Variants in STOX2 observed in about 807,000 individuals in gnomAD.
STOX2 encodes storkhead-box protein 2.
STOX2 carries 28 observed loss-of-function variants against 60.9 expected under a neutral mutation model. The observed-to-expected ratio is 0.46, with a 90% confidence interval of 0.34 to 0.63. The LOEUF is 0.63. STOX2 is among the 30% of genes least tolerant of loss of function. STOX2 has a pLI of 0.01. For synonymous variants in STOX2, 472 were observed against 463.9 expected (o/e 1.02, Z -0.22); for missense variants, 1,024 against 1,187.7 (o/e 0.86, Z 2.03).
chr4:183,807,134 A>T (rs7688361), intron 1 of STOX2, among the ~76,000 whole-genome samples: 3 of 151,642 alleles, frequency 2.0e-5, no homozygotes, highest in Admixed American at 2.0e-4. Flanking sequence ...CACCACGCCC[A>T]GCTAATTTTT....
intron 1 of STOX2, among the ~76,000 whole-genome samples, chr4:183,916,664 T>C (rs1405744277): frequency 6.6e-6 from 1 of 152,204 alleles, no homozygotes; most frequent in Non-Finnish European, 1.5e-5. Context: ...GGTATAAAAC[T>C]GTAGAATCCC....
intron 1 of STOX2, among the ~76,000 whole-genome samples, chr4:183,959,000 T>C (rs1743337337): frequency 6.6e-6 from 1 of 152,018 alleles, no homozygotes. Flanking sequence ...AGTCCTGGAT[T>C]ATTTCAGACT....
chr4:183,938,388 G>T (rs1742646892), intron 1 of STOX2, among the ~76,000 whole-genome samples: 1 of 152,148 alleles, frequency 6.6e-6, no homozygotes, highest in Admixed American at 6.5e-5. Context: ...TTTATTGATG[G>T]CTGAGCACGG....
At chr4:183,819,176 T>C (rs1282740586) in intron 1 of STOX2, among the ~76,000 whole-genome samples, 2 of 152,020 alleles carry the variant, frequency 1.3e-5, no homozygotes, top group Non-Finnish European at 2.9e-5. Flanking sequence ...CTTGGCACTT[T>C]GGGAGGCCAA....
At chr4:183,819,873 A>G (rs1463186445) in intron 1 of STOX2, among the ~76,000 whole-genome samples, 1 of 152,086 alleles carries the variant, frequency 6.6e-6, no homozygotes. Context: ...CCTTTGGAGG[A>G]GAAGGTGGTG....
intron 1 of STOX2, among the ~76,000 whole-genome samples, chr4:183,872,491 T>TA (rs893795729): frequency 2.0e-5 from 3 of 151,788 alleles, no homozygotes; most frequent in Non-Finnish European, 2.9e-5. Flanking sequence ...TTTATGTATT[T>TA]AAAAAAAAAT....
rs1293691040 is a variant in STOX2 at position 183,856,821 on chromosome 4, A to AT, written c.364+58774dup. ...CATATATATTAATGTGTGTAGCTTT[A>AT]TTTTTTTTGACACTTACCCTATGGG... On this transcript the variant is annotated intron_variant, in intron 1 of 2. Coordinates refer to the STOX2 transcript ENST00000513034. This position sits in a 1 kb window ranked among gnomAD's most constrained non-coding sequence, Gnocchi z 4.0. 2.6e-5 allele frequency among the ~76,000 whole-genome samples: 4 copies of AT among 151,948 alleles called. No homozygotes were observed. The highest frequency in any genetic ancestry group is 4.8e-5 in the African/African-American group (2 of 41,372).
At chr4:183,998,594 T>G (rs1480703287) in intron 1 of STOX2, among the ~76,000 whole-genome samples, 1 of 152,124 alleles carries the variant, frequency 6.6e-6, no homozygotes, top group African/African-American at 2.4e-5. Context: ...CAGGCTGGAG[T>G]GCAGTGGCGC....
At chr4:183,950,986 C>A (rs995632871) in intron 1 of STOX2, among the ~76,000 whole-genome samples, 7 of 151,968 alleles carry the variant, frequency 4.6e-5, no homozygotes, top group African/African-American at 1.4e-4. Context: ...GAGGCCGAGG[C>A]GGGCGGATCA....
chr4:184,019,124 T>C lies in STOX2; in HGVS notation c.*1840T>C, dbSNP rs1459548031. The C allele has an allele frequency of 6.6e-6, 1 of 152,212 alleles. No individual in the cohort carries two copies. Among genetic ancestry groups the C allele is most frequent in the African/African-American group, 2.4e-5 (1 of 41,452 alleles). 9.4% of individuals were successfully genotyped at this position (152,212 alleles called of 1,614,324 possible). A position where few individuals can be genotyped will look rare whatever the true frequency, so the allele number is the denominator to read the frequency against. ...GTTTTTCAGTTATTTGGAAGTTGCA[T>C]TGGGTCAAACTGAACTCCTTGAGTT... On this transcript the variant is annotated 3_prime_UTR_variant, in exon 4 of 4. Transcript: ENST00000308497.
At chr4:183,921,140 G>T (rs1332875555) in intron 1 of STOX2, among the ~76,000 whole-genome samples, 1 of 152,164 alleles carries the variant, frequency 6.6e-6, no homozygotes, top group African/African-American at 2.4e-5. Context: ...CAGGAGGCTA[G>T]GATCTATGAG....
chr4:183,967,537 G>A (rs1021440069), intron 1 of STOX2, among the ~76,000 whole-genome samples: 2 of 152,112 alleles, frequency 1.3e-5, no homozygotes, highest in East Asian at 1.9e-4. Context: ...AAGAAGGCAC[G>A]GGAGCATACA....
chr4:183,924,509 T>G (rs1742187052), intron 1 of STOX2, among the ~76,000 whole-genome samples: 1 of 151,998 alleles, frequency 6.6e-6, no homozygotes. Context: ...GGCCAGCAGA[T>G]GAGAGAGACA....
Position 184,022,659 on chromosome 4 carries a change from C to A in STOX2, c.*5375C>A, listed in dbSNP as rs1228977174. 6.6e-6 allele frequency: 1 copy of A among 152,044 alleles called. No individual in the cohort carries two copies. Among genetic ancestry groups the A allele is most frequent in the Admixed American group, 6.5e-5 (1 of 15,268 alleles). The allele number at this position is 152,044 out of a possible 1,614,324, so 9.4% of individuals were successfully genotyped here. ...CTTAGTAAACTTGTTCCCTTGCTCC[C>A]ACCAAGAAGAGGTACCAAATGTGAG... is the stretch of plus-strand genomic sequence containing the variant. On this transcript the variant is annotated 3_prime_UTR_variant, in exon 4 of 4. Coordinates refer to ENST00000308497, the MANE Select transcript of STOX2 (RefSeq NM_020225.3).
At chr4:183,805,526 G>T (rs1738869694) in intron 1 of STOX2, among the ~76,000 whole-genome samples, 1 of 152,192 alleles carries the variant, frequency 6.6e-6, no homozygotes, top group Admixed American at 6.5e-5. Context: ...AATCACAGTA[G>T]GCCAAGCATG....
At chr4:183,882,114 A>T (rs1391041477) in intron 1 of STOX2, among the ~76,000 whole-genome samples, 2 of 152,202 alleles carry the variant, frequency 1.3e-5, no homozygotes, top group African/African-American at 4.8e-5. Context: ...TACCCAGCTC[A>T]CTGTTCTGGA....
At position 184,010,889 on chromosome 4, in the gene STOX2, A is replaced by C; in HGVS notation, c.2051A>C (p.His684Pro). 6.2e-7 allele frequency: 1 copy of C among 1,612,682 alleles called. No individual in the cohort carries two copies. The highest frequency in any genetic ancestry group is 1.1e-5 in the South Asian group (1 of 90,858). Residue 684 changes from histidine to proline, a missense_variant, in exon 3 of 4, where the codon CAT (histidine) becomes CCT (proline). His to Pro is a moderately conservative substitution (Grantham distance 77). Coordinates refer to ENST00000308497, the MANE Select transcript of STOX2 (RefSeq NM_020225.3). This position sits in a 1 kb window ranked among gnomAD's most constrained non-coding sequence, Gnocchi z 4.5. Reference sequence around the variant, plus strand: ...GCCAACGGACGCCTCGTCCAGCACCATGGTGCCGAGCCCAGCAGCTTGGAC... The same window carrying C: ...GCCAACGGACGCCTCGTCCAGCACCCTGGTGCCGAGCCCAGCAGCTTGGAC... ...GIANGRLVQHHGAEPSSLDKR... is the reference protein window; with the variant it reads ...GIANGRLVQHPGAEPSSLDKR...
At chr4:183,895,391 A>C (rs1741318767) in intron 1 of STOX2, among the ~76,000 whole-genome samples, 2 of 152,184 alleles carry the variant, frequency 1.3e-5, no homozygotes, top group Admixed American at 1.3e-4. Flanking sequence ...GAACCATAGC[A>C]CTGAAGAGGG....
At chr4:183,813,661 G>A (rs892697986) in intron 1 of STOX2, among the ~76,000 whole-genome samples, 1 of 152,166 alleles carries the variant, frequency 6.6e-6, no homozygotes, top group Admixed American at 6.5e-5. Flanking sequence ...TCCTTTGAGG[G>A]TGGAGACTAT....
Sources: gnomAD v4.1 joint callset for allele counts (sites outside exome capture counted in the v4.1 genomes callset) on GRCh38, gnomAD v4.1.1 for gene constraint, Gnocchi (gnomAD v3.1) non-coding constraint, MANE v1.5 for transcripts, NCBI Gene and HGNC (gene_info 2026-07-23, HGNC 2026-07-21) for gene names.